SDCCAG8: variants seen among roughly 807,000 people sequenced by gnomAD.
SDCCAG8 encodes serologically defined colon cancer antigen 8.
A neutral mutation model predicts 101.8 loss-of-function variants in SDCCAG8; 74 were observed. That is an observed-to-expected ratio of 0.73 (90% CI 0.60 to 0.88). The LOEUF is 0.88. Ranked by LOEUF, SDCCAG8 falls within the 40% of genes least tolerant of loss-of-function variation. The pLI, the probability that SDCCAG8 is intolerant of heterozygous loss-of-function variation, is 0.00. For missense variants in SDCCAG8, 787 were observed against 822.6 expected (o/e 0.96, Z 0.53); for synonymous variants, 281 against 292.9 (o/e 0.96, Z 0.41).
chr1:243,426,322 C>G (rs965077075), intron 15 of SDCCAG8, 105 bp from the exon 16 acceptor site: 6 of 971,646 alleles, frequency 6.2e-6, no homozygotes, highest in African/African-American at 3.3e-5. Flanking sequence ...ATTATGCTAT[C>G]ATGTTTAAGT....
chr1:243,483,684 G>A (rs1219833782), intron 16 of SDCCAG8, among the ~76,000 whole-genome samples: 1 of 152,144 alleles, frequency 6.6e-6, no homozygotes, highest in Non-Finnish European at 1.5e-5. Context: ...CCGCCACCAG[G>A]TGGCATTTCC....
intron 12 of SDCCAG8, among the ~76,000 whole-genome samples, chr1:243,353,490 C>CAAAAAAAAAAAAAAAAAAAAAAAAAAAAA (rs542632635): frequency 1.4e-4 from 4 of 27,610 alleles, no homozygotes; most frequent in African/African-American, 2.8e-4. Context: ...GATTCCATCT[C>CAAAAAAAAAAAAAAAAAAAAAAAAAAAAA]AAAAAAAAAA....
chr1:243,280,503 T>C (rs2068936820), intron 4 of SDCCAG8, among the ~76,000 whole-genome samples: 1 of 152,196 alleles, frequency 6.6e-6, no homozygotes, highest in South Asian at 2.1e-4. Flanking sequence ...CTATTGGTTT[T>C]GCAACTTCTA....
At chr1:243,477,123 G>T (rs1267969938) in intron 16 of SDCCAG8, among the ~76,000 whole-genome samples, 2 of 152,222 alleles carry the variant, frequency 1.3e-5, no homozygotes, top group Non-Finnish European at 2.9e-5. Flanking sequence ...GGTATTCTCT[G>T]TAATATTCTT....
At chr1:243,312,727 A>G (rs1238719526) in intron 8 of SDCCAG8, among the ~76,000 whole-genome samples, 1 of 127,908 alleles carries the variant, frequency 7.8e-6, no homozygotes, top group Non-Finnish European at 1.7e-5. Context: ...AAAAAAAAAT[A>G]ATGGCTTGTA....
intron 1 of SDCCAG8, among the ~76,000 whole-genome samples, chr1:243,262,106 G>GGCCTCATGTGGCTCTTCTTAGTGCCTTTA (rs1426460954): frequency 0.023 from 3,294 of 145,874 alleles, 179 homozygotes; most frequent in Non-Finnish European, 0.034. Flanking sequence ...CACGGTGCCC[G>GGCCTCATGTGGCTCTTCTTAGTGCCTTTA]ACTTTTTTTT....
chr1:243,402,036 G>C (rs2079430921), intron 13 of SDCCAG8, among the ~76,000 whole-genome samples: 1 of 152,148 alleles, frequency 6.6e-6, no homozygotes, highest in Non-Finnish European at 1.5e-5. Flanking sequence ...AGACAAAGGA[G>C]TGGCACTCAG....
intron 13 of SDCCAG8, among the ~76,000 whole-genome samples, chr1:243,383,050 T>G (rs1180709244): frequency 1.3e-5 from 2 of 152,148 alleles, no homozygotes; most frequent in Admixed American, 6.5e-5. Context: ...CTGGATCCCT[T>G]TTACATAAAG....
chr1:243,486,621 C>T (rs1558537151), intron 16 of SDCCAG8, among the ~76,000 whole-genome samples: 2 of 152,248 alleles, frequency 1.3e-5, no homozygotes, highest in Non-Finnish European at 2.9e-5. Flanking sequence ...GGTGGCCGGC[C>T]GTGACCGGTG....
intron 16 of SDCCAG8, among the ~76,000 whole-genome samples, chr1:243,431,325 A>C (rs926868085): frequency 1.3e-5 from 2 of 152,212 alleles, no homozygotes; most frequent in Non-Finnish European, 2.9e-5. Context: ...AAGTAGAACC[A>C]GCAGGAGTTA....
intron 3 of SDCCAG8, among the ~76,000 whole-genome samples, chr1:243,272,951 A>G (rs946062698): frequency 6.6e-6 from 1 of 152,244 alleles, no homozygotes; most frequent in Non-Finnish European, 1.5e-5. Context: ...AAGCCCTTCA[A>G]AGTAGACACA....
chr1:243,341,195 TAA>T, intron 11 of SDCCAG8, 22 bp downstream of exon 11: 1 of 1,612,518 alleles, frequency 6.2e-7, no homozygotes, highest in Non-Finnish European at 8.5e-7. Flanking sequence ...GATTTTAGTG[TAA>T]TCGTTACTTA....
Position 243,474,542 on chromosome 1 carries a change from C to A in SDCCAG8, c.1986-14472C>A, listed in dbSNP as rs920010590. Reference sequence around the variant, plus strand: ...GAGAGGACGGTGCACCGCCCGGCAGCGCTGAGACCTGGCCGCCTAGGCCAC... The same window carrying A: ...GAGAGGACGGTGCACCGCCCGGCAGAGCTGAGACCTGGCCGCCTAGGCCAC... On this transcript the variant is annotated intron_variant, in intron 16 of 17. Transcript: ENST00000366541. This position sits in a 1 kb window ranked among gnomAD's most constrained non-coding sequence, Gnocchi z 4.7. Among the ~76,000 whole-genome samples, 1 of 152,220 alleles carries A rather than the reference C, an allele frequency of 6.6e-6. No homozygotes were observed. Among genetic ancestry groups the A allele is most frequent in the African/African-American group, 2.4e-5 (1 of 41,468 alleles).
intron 1 of SDCCAG8, among the ~76,000 whole-genome samples, chr1:243,263,730 T>G (rs898640928): frequency 6.6e-6 from 1 of 152,246 alleles, no homozygotes; most frequent in African/African-American, 2.4e-5. Flanking sequence ...ATGTTTTCAG[T>G]TATTAGAGTC....
intron 17 of SDCCAG8, among the ~76,000 whole-genome samples, chr1:243,496,042 C>T (rs1444267350): frequency 1.3e-5 from 2 of 152,200 alleles, no homozygotes; most frequent in Non-Finnish European, 2.9e-5. Flanking sequence ...AAAGGAAGTG[C>T]CTCATATTAC....
At chr1:243,290,573 T>C (rs934520596) in intron 5 of SDCCAG8, among the ~76,000 whole-genome samples, 3 of 152,184 alleles carry the variant, frequency 2.0e-5, no homozygotes, top group Non-Finnish European at 4.4e-5. Flanking sequence ...AGTCCCTTAC[T>C]TGATTCTTTA....
At chr1:243,300,455 TA>T (rs1460388434) in intron 6 of SDCCAG8, among the ~76,000 whole-genome samples, 1 of 152,230 alleles carries the variant, frequency 6.6e-6, no homozygotes, top group African/African-American at 2.4e-5. Flanking sequence ...AATTATGATT[TA>T]AGACTCAATT....
rs1229629463 is a variant in SDCCAG8 at position 243,415,771 on chromosome 1, A to G, written c.1686A>G (p.Gln562=). 6.2e-7 allele frequency: 1 copy of G among 1,613,828 alleles called. No homozygotes were observed. Among genetic ancestry groups the G allele is most frequent in the East Asian group, 2.2e-5 (1 of 44,870 alleles). Residue 562 remains glutamine (Q), a synonymous_variant, in exon 14 of 18, where the codon CAA becomes CAG. Coordinates refer to ENST00000366541, the MANE Select transcript of SDCCAG8 (RefSeq NM_006642.5). ...EAKAQALQAQ[Q]REQELTQKIQ... The stretch of plus-strand genomic sequence containing the variant: ...AGGCCCAAGCCCTTCAGGCCCAGCA[A>G]AGAGAGCAGGAGCTGACACAGAAGA...
chr1:243,428,437 T>C (rs1414758255), intron 16 of SDCCAG8, among the ~76,000 whole-genome samples: 2 of 152,222 alleles, frequency 1.3e-5, no homozygotes, highest in Non-Finnish European at 2.9e-5. Context: ...TTAATTATAG[T>C]TGACCCTTAA....
Sources: gnomAD v4.1 joint callset for allele counts (sites outside exome capture counted in the v4.1 genomes callset) on GRCh38, gnomAD v4.1.1 for gene constraint, Gnocchi (gnomAD v3.1) non-coding constraint, MANE v1.5 for transcripts, NCBI Gene and HGNC (gene_info 2026-07-23, HGNC 2026-07-21) for gene names.